Variants in ZBBX observed in about 807,000 individuals in gnomAD.
ZBBX encodes zinc finger B-box domain-containing protein 1.
In ZBBX, 101 loss-of-function variants were observed where a neutral mutation model predicts 108.5. The ratio of observed to expected loss-of-function variants is 0.93; its 90% CI spans 0.79 to 1.10. ZBBX has a LOEUF of 1.10. Ranked by LOEUF, ZBBX falls within the 50% of genes least tolerant of loss-of-function variation. ZBBX has a pLI of 0.00. For synonymous variants in ZBBX, 356 were observed against 323.4 expected, an observed-to-expected ratio of 1.10 and a Z score of -1.08; for missense variants, 1,009 against 941.4, an observed-to-expected ratio of 1.07 and a Z score of -0.94.
At chr3:167,180,516 CA>C in the ZBBX span, among the ~76,000 whole-genome samples, 1 of 152,152 alleles carries the variant, frequency 6.6e-6, no homozygotes, top group African/African-American at 2.4e-5. Flanking sequence ...TCAAATTTTG[CA>C]AGTGATCATA....
chr3:167,336,529 A>G (rs1354323973), intron 9 of ZBBX, among the ~76,000 whole-genome samples: 2 of 152,198 alleles, frequency 1.3e-5, no homozygotes, highest in Non-Finnish European at 2.9e-5. Context: ...TTCCCATTAC[A>G]TAGACAAGGA....
At chr3:167,339,312 G>A (rs977593911) in intron 9 of ZBBX, among the ~76,000 whole-genome samples, 2 of 152,154 alleles carry the variant, frequency 1.3e-5, no homozygotes, top group African/African-American at 2.4e-5. Context: ...ATTTCACTAA[G>A]TTAAGCCATC....
intron 18 of ZBBX, among the ~76,000 whole-genome samples, chr3:167,295,648 C>T (rs1731508644): frequency 7.0e-6 from 1 of 143,528 alleles, no homozygotes; most frequent in Non-Finnish European, 1.5e-5. Flanking sequence ...GCATGTTCTG[C>T]ATATGTACCC....
At chr3:167,191,914 T>C in the ZBBX span, among the ~76,000 whole-genome samples, 5 of 114,664 alleles carry the variant, frequency 4.4e-5, no homozygotes, top group Non-Finnish European at 9.0e-5. Context: ...TATATATATA[T>C]ATATATATAT....
intron 20 of ZBBX, among the ~76,000 whole-genome samples, chr3:167,272,799 A>G (rs918272627): frequency 4.6e-5 from 7 of 152,216 alleles, no homozygotes; most frequent in Non-Finnish European, 1.0e-4. Context: ...TAACAAATGT[A>G]GGAAAACAAG....
chr3:167,299,763 T>G (rs1732321652), intron 17 of ZBBX, among the ~76,000 whole-genome samples: 1 of 152,170 alleles, frequency 6.6e-6, no homozygotes. Context: ...CTAAGTCATT[T>G]CTTCTGATGG....
chr3:167,280,186 G>T (rs1048710535), intron 20 of ZBBX, among the ~76,000 whole-genome samples: 1 of 152,042 alleles, frequency 6.6e-6, no homozygotes, highest in Non-Finnish European at 1.5e-5. Flanking sequence ...ACACAGGCAT[G>T]GGCAAGGACT....
At chr3:167,324,993 G>T (rs1055183521) in intron 11 of ZBBX, among the ~76,000 whole-genome samples, 16 of 152,192 alleles carry the variant, frequency 1.1e-4, no homozygotes, top group African/African-American at 3.9e-4. Flanking sequence ...CCGCCCAATT[G>T]TTACTGCCAT....
chr3:167,373,809 T>C (rs989212830), intron 2 of ZBBX, 22 bp from the exon 3 acceptor site: 2 of 152,048 alleles, frequency 1.3e-5, no homozygotes, highest in African/African-American at 4.8e-5. Context: ...GTGGCAGAGA[T>C]GGAAGTGGTA....
chr3:167,363,560 G>T (rs1744864429), intron 6 of ZBBX, among the ~76,000 whole-genome samples: 1 of 151,796 alleles, frequency 6.6e-6, no homozygotes, highest in Non-Finnish European at 1.5e-5. Context: ...CTCTTTAATG[G>T]ACTACCTCTT....
chr3:167,256,590 C>T (rs971913940), intron 20 of ZBBX, among the ~76,000 whole-genome samples: 1 of 148,184 alleles, frequency 6.7e-6, no homozygotes. Context: ...ATTAACCATC[C>T]CACCTCCACC....
chr3:167,263,518 T>A (rs1202928938), intron 20 of ZBBX, among the ~76,000 whole-genome samples: 1 of 152,216 alleles, frequency 6.6e-6, no homozygotes, highest in African/African-American at 2.4e-5. Context: ...TTAATTTACA[T>A]GTGTTTTCCA....
At chr3:167,397,263 A>C (rs114944913) in intron 1 of ZBBX, among the ~76,000 whole-genome samples, 3,042 of 151,290 alleles carry the variant, frequency 0.02, 110 homozygotes, top group African/African-American at 0.071. Context: ...TACAGCCATC[A>C]ATTGACTTGC....
At chr3:167,272,242 A>C (rs937773085) in intron 20 of ZBBX, among the ~76,000 whole-genome samples, 1 of 152,082 alleles carries the variant, frequency 6.6e-6, no homozygotes, top group African/African-American at 2.4e-5. Context: ...CACTACCTAT[A>C]TCCCTACGTT....
chr3:167,365,393 A>G (rs1207660791), intron 6 of ZBBX, among the ~76,000 whole-genome samples: 1 of 151,790 alleles, frequency 6.6e-6, no homozygotes, highest in Admixed American at 6.6e-5. Context: ...GTAAAGGAGC[A>G]GCAATTCTAT....
chr3:167,181,623 C>T, the ZBBX span, among the ~76,000 whole-genome samples: 1 of 152,110 alleles, frequency 6.6e-6, no homozygotes, highest in African/African-American at 2.4e-5. Flanking sequence ...ATTTGTGCTT[C>T]CAAATCCTCC....
intron 20 of ZBBX, among the ~76,000 whole-genome samples, chr3:167,274,234 A>G (rs79199729): frequency 0.02 from 2,990 of 152,312 alleles, 111 homozygotes; most frequent in African/African-American, 0.069. Context: ...CAGGATGGCT[A>G]GAAAGATGAT....
chr3:167,318,989 C>T (rs535410517), intron 12 of ZBBX, among the ~76,000 whole-genome samples: 26 of 152,048 alleles, frequency 1.7e-4, no homozygotes, highest in African/African-American at 6.3e-4. Flanking sequence ...CCAGAACTCT[C>T]GTACCTTGCT....
intron 20 of ZBBX, among the ~76,000 whole-genome samples, chr3:167,248,259 C>A (rs1171828552): frequency 1.3e-5 from 2 of 152,124 alleles, no homozygotes; most frequent in Non-Finnish European, 2.9e-5. Flanking sequence ...TAACCATGAC[C>A]CCACAGGGTC....
Sources: gnomAD v4.1 joint callset for allele counts (sites outside exome capture counted in the v4.1 genomes callset) on GRCh38, gnomAD v4.1.1 for gene constraint, MANE v1.5 for transcripts, NCBI Gene and HGNC (gene_info 2026-07-23, HGNC 2026-07-21) for gene names.